The following PRKACG variants were observed in gnomAD, a reference collection of about 807,000 sequenced individuals.
PRKACG encodes the protein protein kinase cAMP-activated catalytic subunit gamma, also known as cAMP-dependent protein kinase catalytic subunit gamma.
Under a neutral mutation model 25.6 loss-of-function variants are expected in PRKACG, and 24 were observed. That is an observed-to-expected ratio of 0.94 (90% confidence interval 0.68 to 1.32). PRKACG has a LOEUF of 1.32. Among genes scored for constraint, PRKACG ranks in the 40% most tolerant of loss-of-function variants. PRKACG has a pLI of 0.00. For missense variants in PRKACG, 481 were observed against 462.9 expected, an observed-to-expected ratio of 1.04 and a Z score of -0.36; for synonymous variants, 202 against 195.9, an observed-to-expected ratio of 1.03 and a Z score of -0.26.
chr9:69,013,493 G>GC lies in PRKACG; in HGVS notation c.599dup (p.Cys200TrpfsTer32). On this transcript the variant is annotated frameshift_variant, in exon 1 of 1. Coordinates refer to ENST00000377276, the MANE Select transcript of PRKACG (RefSeq NM_002732.4). LOFTEE classifies it high-confidence loss of function. The stretch of plus-strand genomic sequence containing the variant: ...CGGGGGCCAGGTACTCTGGGGTCCC[G>GC]CACAAGGTCCAAGTGCGGCCCTTCA... The GC allele has an allele frequency of 6.2e-7, 1 of 1,613,984 alleles. No homozygotes were observed. The highest frequency in any genetic ancestry group is 8.5e-7 in the Non-Finnish European group (1 of 1,180,012).
At position 69,012,774 on chromosome 9, in the gene PRKACG, C is replaced by A; in HGVS notation, c.*263G>T. 2.2e-6 allele frequency: 1 copy of A among 464,678 alleles called. No individual in the cohort carries two copies. The highest frequency in any genetic ancestry group is 3.8e-6 in the Non-Finnish European group (1 of 260,872). The allele number at this position is 464,678 out of a possible 1,614,324, so 28.8% of individuals were successfully genotyped here. On this transcript the variant is annotated 3_prime_UTR_variant, in exon 1 of 1. Coordinates refer to ENST00000377276, the MANE Select transcript of PRKACG (RefSeq NM_002732.4). ...CTCGTTTAAAACAGGCAGAAGGGGG[C>A]TGGGGCAAGGGGGACCCTGTGGGAG...
Position 69,013,400 on chromosome 9 carries a change from C to G in PRKACG, c.693G>C (p.Glu231Asp). ...DWWALGVLIY[E>D]MAVGFPPFYA... ...AGAAGGGTGGGAAGCCCACGGCCAT[C>G]TCATAGATGAGCACCCCTAGGGCCC... The change falls in exon 1 of 1, where the codon GAG becomes GAC. Residue 231 changes from glutamate (E) to aspartate (D), a missense_variant. Glu to Asp is a conservative substitution (Grantham distance 45). Coordinates refer to ENST00000377276, the MANE Select transcript of PRKACG (RefSeq NM_002732.4). 1.2e-6 allele frequency: 2 copies of G among 1,613,662 alleles called. No individual in the cohort carries two copies. Among genetic ancestry groups the G allele is most frequent in the Non-Finnish European group, 1.7e-6 (2 of 1,180,006 alleles).
In PRKACG at chr9:69,014,083, C is replaced by T. The variant is rs1831311537; in HGVS notation, c.10G>A (p.Ala4Thr). The part of the protein sequence containing the change: MGN[A>T]PAKKDTEQEE... The stretch of plus-strand genomic sequence containing the variant: ...TGCTCGGTGTCCTTCTTGGCGGGGG[C>T]GTTGCCCATGGCGGTGGCGGCGGCA... The change falls in exon 1 of 1, where the codon GCC becomes ACC. Residue 4 changes from alanine to threonine, a missense_variant. Coordinates refer to ENST00000377276, the MANE Select transcript of PRKACG (RefSeq NM_002732.4). 6.3e-7 allele frequency: 1 copy of T among 1,593,996 alleles called. No homozygotes were observed. The highest frequency in any genetic ancestry group is 1.3e-5 in the African/African-American group (1 of 74,662).
chr9:69,013,019 AG>A lies in PRKACG; in HGVS notation c.*17del. 4 of 1,599,358 alleles carry A rather than the reference AG, an allele frequency of 2.5e-6. No individual in the cohort carries two copies. The South Asian group carries it at 4.5e-5, about 18-fold the overall frequency. On this transcript the variant is annotated 3_prime_UTR_variant, in exon 1 of 1. Transcript: ENST00000377276. ...AAAACAAAAAGGAAAGAAAACCCAC[AG>A]GGGCACAAGCACACCCCTAAAACTC...
Position 69,012,943 on chromosome 9 carries a change from T to C in PRKACG, c.*94A>G. ...GAGGATGAAATTAGATACAAGGAAC[T>C]CTGGGGCCCTCTGGCTGTTCAATCC... is the stretch of plus-strand genomic sequence containing the variant. On this transcript the variant is annotated 3_prime_UTR_variant, in exon 1 of 1. Transcript: ENST00000377276. 7.8e-6 allele frequency: 10 copies of C among 1,278,466 alleles called. No homozygotes were observed. The South Asian group carries it at 1.2e-4, about 15-fold the overall frequency. The allele number at this position is 1,278,466 out of a possible 1,614,324, so 79.2% of individuals were successfully genotyped here.
In PRKACG at chr9:69,013,701, G is replaced by A. The variant is rs756391420; in HGVS notation, c.392C>T (p.Ser131Phe). The change falls in exon 1 of 1, where the codon TCC becomes TTC. Residue 131 changes from serine (S) to phenylalanine (F), a missense_variant. By Grantham distance (155) the Ser-to-Phe change is radical (BLOSUM62 -2). Coordinates refer to ENST00000377276, the MANE Select transcript of PRKACG (RefSeq NM_002732.4). The part of the protein sequence containing the change: ...MEYVPGGEMF[S>F]RLQRVGRFSE... ...AAACCTTCCGACGCGCTGTAGGCGG[G>A]AGAACATCTCCCCACCCGGCACGTA... The A allele has an allele frequency of 6.2e-7, 1 of 1,614,052 alleles. No homozygotes were observed. The highest frequency in any genetic ancestry group is 1.7e-5 in the Admixed American group (1 of 60,014).
Position 69,012,997 on chromosome 9 carries a change from A to G in PRKACG, c.*40T>C, listed in dbSNP as rs775415854. The G allele has an allele frequency of 5.1e-6, 8 of 1,579,188 alleles. No individual in the cohort carries two copies. Among genetic ancestry groups the G allele is most frequent in the Non-Finnish European group, 6.9e-6 (8 of 1,165,696 alleles). Reference sequence around the variant, plus strand: ...CCTCCCATCCCCCAAACCACCAAAAACAAAAAGGAAAGAAAACCCACAGGG... The same window carrying G: ...CCTCCCATCCCCCAAACCACCAAAAGCAAAAAGGAAAGAAAACCCACAGGG... On this transcript the variant is annotated 3_prime_UTR_variant, in exon 1 of 1. Coordinates refer to ENST00000377276, the MANE Select transcript of PRKACG (RefSeq NM_002732.4).
Position 69,013,036 on chromosome 9 carries a change from C to G in PRKACG, c.*1G>C. On this transcript the variant is annotated 3_prime_UTR_variant, in exon 1 of 1. Coordinates refer to ENST00000377276, the MANE Select transcript of PRKACG (RefSeq NM_002732.4). ...AAACCCACAGGGGCACAAGCACACC[C>G]CTAAAACTCAGAAAACTCCTTGGCA... The G allele has an allele frequency of 5.6e-6, 9 of 1,612,918 alleles. No homozygotes were observed. Among genetic ancestry groups the G allele is most frequent in the East Asian group, 2.2e-5 (1 of 44,854 alleles).
Position 69,014,036 on chromosome 9 carries a change from G to A in PRKACG, c.57C>T (p.Phe19=), listed in dbSNP as rs146114740. ...GGAAATCTCCTCTGGCTTTGGCTAG[G>A]AACTCGTTCACGCTCTCCTCCTGCT... ...DTEQEESVNE[F]LAKARGDFLY... The change falls in exon 1 of 1, where the codon TTC becomes TTT. Residue 19 remains phenylalanine, a synonymous_variant. Transcript: ENST00000377276. The A allele has an allele frequency of 1.2e-6, 2 of 1,613,010 alleles. No individual in the cohort carries two copies. The highest frequency in any genetic ancestry group is 2.7e-5 in the African/African-American group (2 of 74,912).
chr9:69,013,460 GA>G lies in PRKACG; in HGVS notation c.632del (p.Ile211ThrfsTer2). On this transcript the variant is annotated frameshift_variant, in exon 1 of 1. Transcript: ENST00000377276. LOFTEE classifies it high-confidence loss of function. ...GTPEYLAPEI[I>X]LSKGYNKAVD... ...CGGCCTTGTTGTAGCCTTTGCTCAG[GA>G]TGATCTCGGGGGCCAGGTACTCTGG... 6.2e-7 allele frequency: 1 copy of G among 1,613,950 alleles called. No individual in the cohort carries two copies. Among genetic ancestry groups the G allele is most frequent in the Non-Finnish European group, 8.5e-7 (1 of 1,180,030 alleles).
Position 69,013,526 on chromosome 9 carries a change from G to A in PRKACG, c.567C>T (p.Ala189=), listed in dbSNP as rs1305346976. The change falls in exon 1 of 1, where the codon GCC becomes GCT. Residue 189 remains alanine, a synonymous_variant. Coordinates refer to ENST00000377276, the MANE Select transcript of PRKACG (RefSeq NM_002732.4). The part of the protein sequence containing the change: ...GYLQVTDFGF[A]KRVKGRTWTL... ...TCCAAGTGCGGCCCTTCACGCGCTT[G>A]GCGAAACCGAAGTCCGTCACCTGCA... 3 of 1,613,948 alleles carry A rather than the reference G, an allele frequency of 1.9e-6. No individual in the cohort carries two copies. The highest frequency in any genetic ancestry group is 4.5e-5 in the East Asian group (2 of 44,868).
At position 69,013,820 on chromosome 9, in the gene PRKACG, G is replaced by C. The variant is rs758425612; in HGVS notation, c.273C>G (p.Asn91Lys). The C allele has an allele frequency of 3.7e-6, 6 of 1,613,728 alleles. No homozygotes were observed. The highest frequency in any genetic ancestry group is 2.7e-5 in the African/African-American group (2 of 74,844). Reference protein sequence around the residue: ...VKMKQVEHILNEKRILQAIDF... With the variant: ...VKMKQVEHILKEKRILQAIDF... ...CGATCGCCTGCAGGATGCGCTTCTCGTTCAGTATGTGCTCGACCTGCTTCA... is the reference window on the plus strand; with the variant it reads ...CGATCGCCTGCAGGATGCGCTTCTCCTTCAGTATGTGCTCGACCTGCTTCA... The change falls in exon 1 of 1, where the codon AAC becomes AAG. Residue 91 changes from asparagine to lysine, a missense_variant. Transcript: ENST00000377276.
In PRKACG at chr9:69,013,872, A is replaced by C. The variant is rs1479692009; in HGVS notation, c.221T>G (p.Ile74Ser). ...QETGGHYAMK[I>S]LNKQKVVKMK... ...CTTCACCACCTTCTGCTTGTTGAGGATCTTCATGGCGTAGTGGCCGCCGGT... is the reference window on the plus strand; with the variant it reads ...CTTCACCACCTTCTGCTTGTTGAGGCTCTTCATGGCGTAGTGGCCGCCGGT... The change falls in exon 1 of 1, where the codon ATC (isoleucine) becomes AGC (serine). Residue 74 changes from isoleucine to serine, a missense_variant. Coordinates refer to ENST00000377276, the MANE Select transcript of PRKACG (RefSeq NM_002732.4). 7.4e-6 allele frequency: 12 copies of C among 1,612,984 alleles called. No homozygotes were observed. Among genetic ancestry groups the C allele is most frequent in the Non-Finnish European group, 1.0e-5 (12 of 1,179,828 alleles).
Position 69,013,281 on chromosome 9 carries a change from C to A in PRKACG, c.812G>T (p.Arg271Leu), listed in dbSNP as rs776449361. 66 of 1,613,986 alleles carry A rather than the reference C, an allele frequency of 4.1e-5. No individual in the cohort carries two copies. The highest frequency in any genetic ancestry group is 5.3e-5 in the Non-Finnish European group (62 of 1,180,026). The change falls in exon 1 of 1, where the codon CGG (arginine) becomes CTG (leucine). Residue 271 changes from arginine to leucine, a missense_variant. Transcript: ENST00000377276. ...KLSSDLKHLL[R>L]SLLQVDLTKR... is the part of the protein sequence containing the mutation. Reference sequence around the variant, plus strand: ...GGTGAGGTCCACCTGCAGCAGGCTCCGCAGCAGATGCTTGAGGTCAGAGCT... The same window carrying A: ...GGTGAGGTCCACCTGCAGCAGGCTCAGCAGCAGATGCTTGAGGTCAGAGCT...
Position 69,013,719 on chromosome 9 carries a change from G to A in PRKACG, c.374C>T (p.Pro125Leu), listed in dbSNP as rs779154708. The change falls in exon 1 of 1, where the codon CCG becomes CTG. Residue 125 changes from proline to leucine, a missense_variant. By Grantham distance (98) the Pro-to-Leu change is moderately conservative (BLOSUM62 -3). Transcript: ENST00000377276. ...TAGGCGGGAGAACATCTCCCCACCC[G>A]GCACGTACTCCATCACCAGGTACAG... Reference protein sequence around the residue: ...SYLYLVMEYVPGGEMFSRLQR... With the variant: ...SYLYLVMEYVLGGEMFSRLQR... 3.1e-6 allele frequency: 5 copies of A among 1,614,058 alleles called. No individual in the cohort carries two copies. The highest frequency in any genetic ancestry group is 3.3e-5 in the Admixed American group (2 of 60,006).
chr9:69,013,669 G>A lies in PRKACG; in HGVS notation c.424C>T (p.Pro142Ser). ...RLQRVGRFSE[P>S]HACFYAAQVV... The stretch of plus-strand genomic sequence containing the variant: ...TGGGCGGCATAGAAACAGGCATGGG[G>A]CTCGCTAAACCTTCCGACGCGCTGT... Residue 142 changes from proline (P) to serine (S), a missense_variant, in exon 1 of 1, where the codon CCC becomes TCC. Pro to Ser is a moderately conservative substitution (Grantham distance 74, BLOSUM62 -1). Transcript: ENST00000377276. 1.2e-6 allele frequency: 2 copies of A among 1,614,104 alleles called. No individual in the cohort carries two copies. Among genetic ancestry groups the A allele is most frequent in the Non-Finnish European group, 1.7e-6 (2 of 1,180,022 alleles).
rs1336269233 is a variant in PRKACG, at chr9:69,013,955, C to G, written c.138G>C (p.Arg46=). The change falls in exon 1 of 1, where the codon CGG becomes CGC. Residue 46 remains arginine, a synonymous_variant. Coordinates refer to ENST00000377276, the MANE Select transcript of PRKACG (RefSeq NM_002732.4). ...QNTASSDQFE[R]LRTLGMGSFG... is the part of the protein sequence containing the mutation. ...AGGAGCCCATGCCCAGCGTCCTGAG[C>G]CGTTCGAACTGATCCGAGCTGGCGG... is the stretch of plus-strand genomic sequence containing the variant. 1 of 1,613,738 alleles carries G rather than the reference C, an allele frequency of 6.2e-7. No homozygotes were observed. Among genetic ancestry groups the G allele is most frequent in the Non-Finnish European group, 8.5e-7 (1 of 1,180,022 alleles).
In PRKACG at chr9:69,013,372, CGTAGAA is replaced by C; in HGVS notation, c.715_720del (p.Phe239_Tyr240del). 1 of 1,613,748 alleles carries C rather than the reference CGTAGAA, an allele frequency of 6.2e-7. No homozygotes were observed. Among genetic ancestry groups the C allele is most frequent in the South Asian group, 1.1e-5 (1 of 91,074 alleles). On this transcript the variant is annotated inframe_deletion, in exon 1 of 1. Coordinates refer to ENST00000377276, the MANE Select transcript of PRKACG (RefSeq NM_002732.4). ...TCGTAGATCTGGATGGGCTGGTCGG[CGTAGAA>C]GGGTGGGAAGCCCACGGCCATCTCA...
rs1469209765 is a variant in PRKACG at position 69,013,558 on chromosome 9, C to T, written c.535G>A (p.Gly179Ser). ...KPENLLIDQQ[G>S]YLQVTDFGFA... ...CCGAAGTCCGTCACCTGCAGGTAGC[C>T]CTGCTGGTCGATGAGGAGATTCTCG... is the stretch of plus-strand genomic sequence containing the variant. Residue 179 changes from glycine (G) to serine (S), a missense_variant, in exon 1 of 1, where the codon GGC (glycine) becomes AGC (serine). Physicochemically the swap from Gly to Ser is moderately conservative, Grantham distance 56. Coordinates refer to ENST00000377276, the MANE Select transcript of PRKACG (RefSeq NM_002732.4). 10 of 1,613,646 alleles carry T rather than the reference C, an allele frequency of 6.2e-6. No homozygotes were observed. The highest frequency in any genetic ancestry group is 4.5e-5 in the East Asian group (2 of 44,826).
Sources: gnomAD v4.1 joint callset for allele counts on GRCh38, gnomAD v4.1.1 for gene constraint, MANE v1.5 for transcripts, NCBI Gene and HGNC (gene_info 2026-07-23, HGNC 2026-07-21) for gene names.